The following MTOR variants were observed in gnomAD, a reference collection of about 807,000 sequenced individuals.
MTOR encodes the protein mechanistic target of rapamycin kinase.
MTOR carries 70 observed loss-of-function variants against 319.8 expected under a neutral mutation model. That is an observed-to-expected ratio of 0.22 (90% CI 0.18 to 0.27). The LOEUF is 0.27. Ranked by LOEUF, MTOR falls within the 10% of genes least tolerant of loss-of-function variation. MTOR has a pLI of 1.00. For missense variants in MTOR, 1,890 were observed against 3,274.4 expected, an observed-to-expected ratio of 0.58 and a Z score of 10.32; for synonymous variants, 1,183 against 1,211.4, an observed-to-expected ratio of 0.98 and a Z score of 0.49.
chr1:11,173,110 T>C (rs1298073187), intron 28 of MTOR, among the ~76,000 whole-genome samples: 1 of 151,930 alleles, frequency 6.6e-6, no homozygotes, highest in Admixed American at 6.6e-5. Context: ...TCTCCTGTCT[T>C]AGCCTCCTGA....
At chr1:11,228,386 A>G (rs967216477) in intron 19 of MTOR, among the ~76,000 whole-genome samples, 2 of 151,996 alleles carry the variant, frequency 1.3e-5, no homozygotes, top group African/African-American at 4.8e-5. Flanking sequence ...ACGGGGTTTC[A>G]CCATGTTGGC....
At chr1:11,192,308 T>A in intron 28 of MTOR, 1 of 1,614,070 alleles carries the variant, frequency 6.2e-7, no homozygotes, top group Non-Finnish European at 8.5e-7. Flanking sequence ...CCAGAAGAAC[T>A]ACCGCATCTC....
chr1:11,228,110 T>C (rs1182550443), intron 19 of MTOR, among the ~76,000 whole-genome samples: 1 of 152,016 alleles, frequency 6.6e-6, no homozygotes, highest in Non-Finnish European at 1.5e-5. Flanking sequence ...TGATTTTCTA[T>C]TTGTGGGGCA....
intron 25 of MTOR, 66 bp downstream of exon 25, chr1:11,209,246 A>C (rs201688070): frequency 1.0e-4 from 163 of 1,600,094 alleles, no homozygotes; most frequent in Non-Finnish European, 3.6e-5. Context: ...TTAAACAGTT[A>C]AAAGTTTTGA....
intron 24 of MTOR, 64 bp from the exon 25 acceptor site, chr1:11,209,522 T>G (rs1646246111): frequency 6.3e-7 from 1 of 1,589,944 alleles, no homozygotes; most frequent in African/African-American, 1.4e-5. Flanking sequence ...TTAGGAAATA[T>G]CCTTAAATTT....
rs1641609490 is a variant in MTOR at position 11,106,952 on chromosome 1, ATCTTGCAAACATTTCTGC to A, written c.*515_*532del. ...AGACCTTTTGTACTCATTTTGGCCT[ATCTTGCAAACATTTCTGC>A]TGCTGTCCACAGACCAGTGAGGTCT... On this transcript the variant is annotated 3_prime_UTR_variant, in exon 58 of 58. Transcript: ENST00000361445. 2 of 1,370,418 alleles carry A rather than the reference ATCTTGCAAACATTTCTGC, an allele frequency of 1.5e-6. No individual in the cohort carries two copies. Among genetic ancestry groups the A allele is most frequent in the Non-Finnish European group, 1.9e-6 (2 of 1,038,760 alleles). 84.9% of individuals were successfully genotyped at this position (1,370,418 alleles called of 1,614,324 possible).
chr1:11,157,328 CAGA>C (rs1273114542), intron 29 of MTOR, 37 bp from the exon 30 acceptor site: 5 of 1,601,398 alleles, frequency 3.1e-6, no homozygotes, highest in Middle Eastern at 3.3e-4. Context: ...GTGAGGTACA[CAGA>C]AGAAGGGATC....
intron 29 of MTOR, among the ~76,000 whole-genome samples, chr1:11,160,761 C>T (rs1024466896): frequency 5.3e-5 from 8 of 152,142 alleles, no homozygotes; most frequent in South Asian, 2.1e-4. Context: ...ACTGCATATT[C>T]GAATCTACCC....
rs369559943 is a variant in MTOR, at chr1:11,193,542, C to T, written c.4253+5716G>A. Reference sequence around the variant, plus strand: ...TGCCCTCTTGCTCCTGCCTTCTGCCCCTGCAAGTCCCTCACCAGAGTATCC... The same window carrying T: ...TGCCCTCTTGCTCCTGCCTTCTGCCTCTGCAAGTCCCTCACCAGAGTATCC... On this transcript the variant is annotated intron_variant, in intron 28 of 57. Transcript: ENST00000361445. The T allele has an allele frequency of 1.4e-5, 21 of 1,539,586 alleles. 1 individual carries two copies. The highest frequency in any genetic ancestry group is 1.2e-4 in the African/African-American group (9 of 72,806).
At chr1:11,239,918 A>G (rs1190141451) in intron 11 of MTOR, among the ~76,000 whole-genome samples, 1 of 146,816 alleles carries the variant, frequency 6.8e-6, no homozygotes, top group Non-Finnish European at 1.5e-5. Context: ...AAAAAAAAAA[A>G]GAAAGAAAAA....
chr1:11,159,827 C>T (rs1168902811), intron 29 of MTOR, among the ~76,000 whole-genome samples: 4 of 152,036 alleles, frequency 2.6e-5, no homozygotes, highest in Non-Finnish European at 5.9e-5. Flanking sequence ...AGTAAGCAAC[C>T]TACATGACTA....
Position 11,231,426 on chromosome 1 carries a change from C to A in MTOR, c.2523G>T (p.Leu841=), listed in dbSNP as rs751062468. The part of the protein sequence containing the change: ...SSLLAKRQVA[L]WTLGQLVAST... The stretch of plus-strand genomic sequence containing the variant: ...TGGCCACCAACTGTCCCAGGGTCCA[C>A]AGAGCCACCTGGATAGGCACAAGAA... Residue 841 remains leucine, a synonymous_variant, in exon 17 of 58, where the codon CTG becomes CTT. Transcript: ENST00000361445. 3.1e-6 allele frequency: 5 copies of A among 1,614,042 alleles called. No individual in the cohort carries two copies. In the South Asian group the frequency reaches 4.4e-5, roughly 14 times the overall value.
At chr1:11,126,538 C>G in intron 46 of MTOR, 84 bp downstream of exon 46, 1 of 1,450,894 alleles carries the variant, frequency 6.9e-7, no homozygotes, top group Non-Finnish European at 9.4e-7. Flanking sequence ...GTGGGAATGG[C>G]AAGCAGTAAT....
At chr1:11,246,418 G>C (rs1374819674) in intron 8 of MTOR, among the ~76,000 whole-genome samples, 2 of 152,228 alleles carry the variant, frequency 1.3e-5, no homozygotes, top group Admixed American at 6.5e-5. Flanking sequence ...TTAAAAAAGA[G>C]AAAAGCTGCT....
chr1:11,170,012 C>CAGT (rs1241094564), intron 28 of MTOR, among the ~76,000 whole-genome samples: 2 of 152,168 alleles, frequency 1.3e-5, no homozygotes, highest in East Asian at 1.9e-4. Context: ...GTCCAGTATC[C>CAGT]AGTTTCTAGG....
At chr1:11,258,660 G>A (rs1650733701) in intron 2 of MTOR, 67 bp from the exon 3 acceptor site, 1 of 1,219,426 alleles carries the variant, frequency 8.2e-7, no homozygotes, top group Non-Finnish European at 1.2e-6. Context: ...GGAGTGGGCT[G>A]GCATCTAAAG....
chr1:11,184,247 CA>C (rs1324610369), intron 28 of MTOR, among the ~76,000 whole-genome samples: 7 of 152,108 alleles, frequency 4.6e-5, no homozygotes, highest in African/African-American at 1.7e-4. Context: ...GTAATATGTC[CA>C]TGGCCACACA....
chr1:11,215,313 G>C (rs905458205), intron 20 of MTOR, among the ~76,000 whole-genome samples: 6 of 152,100 alleles, frequency 3.9e-5, no homozygotes, highest in Non-Finnish European at 8.8e-5. Context: ...AGGCTTCTGT[G>C]GTAAGAGTCA....
intron 39 of MTOR, 116 bp downstream of exon 39, chr1:11,130,413 G>A: frequency 2.7e-6 from 4 of 1,479,270 alleles, no homozygotes; most frequent in Non-Finnish European, 3.6e-6. Context: ...GTATTTTCCA[G>A]CTCCATCTGG....
Sources: allele counts gnomAD v4.1 joint callset (sites outside exome capture counted in the v4.1 genomes callset), GRCh38; gene constraint gnomAD v4.1.1; transcripts MANE v1.5; gene names NCBI Gene and HGNC (gene_info 2026-07-23, HGNC 2026-07-21).